FARS2: variants seen among roughly 807,000 people sequenced by gnomAD.
FARS2 encodes the protein phenylalanyl-tRNA synthetase 2, mitochondrial, also known as phenylalanine--tRNA ligase, mitochondrial.
Under a neutral mutation model 46.4 loss-of-function variants are expected in FARS2, and 40 were observed. The observed-to-expected ratio is 0.86, with a 90% CI of 0.67 to 1.12. The LOEUF is 1.12. Among genes scored for constraint, FARS2 ranks in the 50% most tolerant of loss-of-function variants. FARS2 has a pLI of 0.00. For missense variants in FARS2, 513 were observed against 567.9 expected, an observed-to-expected ratio of 0.90 and a Z score of 0.98; for synonymous variants, 234 against 214.9, an observed-to-expected ratio of 1.09 and a Z score of -0.78.
intron 5 of FARS2, among the ~76,000 whole-genome samples, chr6:5,612,692 C>G (rs1775254773): frequency 6.6e-6 from 1 of 152,074 alleles, no homozygotes; most frequent in Non-Finnish European, 1.5e-5. Context: ...ACTTATCAAC[C>G]CAATCCTTTA....
intron 2 of FARS2, among the ~76,000 whole-genome samples, chr6:5,390,051 A>G (rs1760401947): frequency 6.6e-6 from 1 of 152,040 alleles, no homozygotes; most frequent in African/African-American, 2.4e-5. Flanking sequence ...TTTAGTGGAG[A>G]TGGGGTTTCA....
chr6:5,614,281 C>G (rs1464253508), intron 6 of FARS2, among the ~76,000 whole-genome samples: 2 of 152,180 alleles, frequency 1.3e-5, no homozygotes, highest in African/African-American at 2.4e-5. Context: ...TCACCAAATC[C>G]TGTCTAATTC....
At chr6:5,740,523 A>G (rs148637053) in intron 6 of FARS2, among the ~76,000 whole-genome samples, 210 of 152,228 alleles carry the variant, frequency 1.4e-3, no homozygotes, top group African/African-American at 4.8e-3. Context: ...CAAAAAAGCA[A>G]AATCCATCAG....
intron 6 of FARS2, among the ~76,000 whole-genome samples, chr6:5,680,286 G>T (rs964404700): frequency 4.6e-5 from 7 of 152,168 alleles, no homozygotes; most frequent in African/African-American, 1.7e-4. Flanking sequence ...AAACAAGGCT[G>T]CAGCTGATGG....
intron 6 of FARS2, among the ~76,000 whole-genome samples, chr6:5,634,825 C>A (rs1241857861): frequency 6.6e-6 from 1 of 152,198 alleles, no homozygotes; most frequent in Non-Finnish European, 1.5e-5. Context: ...CCCTTCGACC[C>A]AGCTAAATCA....
chr6:5,269,867 A>G (rs1765825332), intron 1 of FARS2, among the ~76,000 whole-genome samples: 2 of 152,264 alleles, frequency 1.3e-5, no homozygotes, highest in Non-Finnish European at 1.5e-5. Context: ...TTGGTATTAT[A>G]GTGAATTACA....
chr6:5,625,907 G>A (rs915021590), intron 6 of FARS2, among the ~76,000 whole-genome samples: 3 of 152,202 alleles, frequency 2.0e-5, no homozygotes, highest in African/African-American at 7.2e-5. Context: ...AGGTGGTGGG[G>A]ATGGTTAAGT....
chr6:5,487,484 A>G (rs375382993), intron 4 of FARS2, among the ~76,000 whole-genome samples: 11 of 152,370 alleles, frequency 7.2e-5, no homozygotes, highest in East Asian at 5.8e-4. Flanking sequence ...ATATGTTTTT[A>G]TGTTTAATAC....
intron 6 of FARS2, among the ~76,000 whole-genome samples, chr6:5,644,640 G>A (rs1194713711): frequency 1.3e-5 from 2 of 152,224 alleles, no homozygotes; most frequent in Non-Finnish European, 2.9e-5. Context: ...GATTACAGGC[G>A]TGAGTCACCT....
intron 1 of FARS2, among the ~76,000 whole-genome samples, chr6:5,269,743 A>G (rs1765813347): frequency 6.6e-6 from 1 of 152,206 alleles, no homozygotes; most frequent in Non-Finnish European, 1.5e-5. Flanking sequence ...GATGTGCAAT[A>G]CTGAGATCTG....
chr6:5,581,630 G>T (rs535899235), intron 5 of FARS2, among the ~76,000 whole-genome samples: 1 of 152,322 alleles, frequency 6.6e-6, no homozygotes, highest in East Asian at 1.9e-4. Context: ...GGAGCAAAAA[G>T]AAAGAAGGGC....
intron 4 of FARS2, among the ~76,000 whole-genome samples, chr6:5,432,369 T>G (rs915916553): frequency 8.1e-6 from 1 of 122,722 alleles, no homozygotes; most frequent in African/African-American, 3.1e-5. Context: ...ATATAATATA[T>G]TATATATTTA....
In FARS2 at chr6:5,335,917, C is replaced by T. The variant is rs1344620536; in HGVS notation, c.-21-32633C>T. 3.3e-5 allele frequency among the ~76,000 whole-genome samples: 5 copies of T among 152,046 alleles called. 1 individual carries two copies. Among genetic ancestry groups the T allele is most frequent in the Non-Finnish European group, 7.4e-5 (5 of 68,008 alleles). Reference sequence around the variant, plus strand: ...TGCTTTTAATTCCGTTCTTTTTGTACGTCTGAGTTGGATATTTTGCTTTGT... The same window carrying T: ...TGCTTTTAATTCCGTTCTTTTTGTATGTCTGAGTTGGATATTTTGCTTTGT... On this transcript the variant is annotated intron_variant, in intron 1 of 6. Coordinates refer to ENST00000274680, the MANE Select transcript of FARS2 (RefSeq NM_006567.5).
At chr6:5,566,137 A>G (rs1772311278) in intron 5 of FARS2, among the ~76,000 whole-genome samples, 1 of 152,186 alleles carries the variant, frequency 6.6e-6, no homozygotes, top group Non-Finnish European at 1.5e-5. Flanking sequence ...AAGACAGCGT[A>G]GTGCTTGTAC....
chr6:5,729,324 AG>A (rs1169894161), intron 6 of FARS2, among the ~76,000 whole-genome samples: 1 of 152,250 alleles, frequency 6.6e-6, no homozygotes, highest in East Asian at 1.9e-4. Context: ...GTGTCCAGTT[AG>A]GCCCTGTGAC....
At chr6:5,733,439 C>T (rs558755326) in intron 6 of FARS2, among the ~76,000 whole-genome samples, 3 of 152,202 alleles carry the variant, frequency 2.0e-5, no homozygotes, top group African/African-American at 7.2e-5. Flanking sequence ...ATACCACGGA[C>T]CAGGAAAGGG....
At chr6:5,303,158 C>G (rs917570281) in intron 1 of FARS2, among the ~76,000 whole-genome samples, 35 of 152,282 alleles carry the variant, frequency 2.3e-4, no homozygotes, top group Non-Finnish European at 4.9e-4. Flanking sequence ...CGTCTGATTT[C>G]ACAACCTGTA....
At position 5,651,010 on chromosome 6, in the gene FARS2, T is replaced by C. The variant is rs35608951; in HGVS notation, c.1217+37690T>C. On this transcript the variant is annotated intron_variant, in intron 6 of 6. Coordinates refer to ENST00000274680, the MANE Select transcript of FARS2 (RefSeq NM_006567.5). ...GGGTTAATAGACTTTTGATTAAAGA[T>C]GGCAGATTGAACATAAGCTTTAACC... is the stretch of plus-strand genomic sequence containing the variant. Among the ~76,000 whole-genome samples the C allele has an allele frequency of 0.31, 47,677 of 152,174 alleles. 9,116 individuals are homozygous for C. Among genetic ancestry groups the C allele is most frequent in the Non-Finnish European group, 0.42 (28,491 of 67,976 alleles).
intron 4 of FARS2, among the ~76,000 whole-genome samples, chr6:5,529,102 T>G (rs556847874): frequency 6.6e-6 from 1 of 152,326 alleles, no homozygotes; most frequent in African/African-American, 2.4e-5. Context: ...CTGTATAATC[T>G]AGGACAAATT....
Sources: allele counts gnomAD v4.1 joint callset (sites outside exome capture counted in the v4.1 genomes callset), GRCh38; gene constraint gnomAD v4.1.1; transcripts MANE v1.5; gene names NCBI Gene and HGNC (gene_info 2026-07-23, HGNC 2026-07-21).